Variants in DHTKD1 observed in about 807,000 individuals in gnomAD.
DHTKD1 encodes dehydrogenase E1 and transketolase domain containing 1.
A neutral mutation model predicts 101.8 loss-of-function variants in DHTKD1; 78 were observed. That is an observed-to-expected ratio of 0.77 (90% confidence interval 0.64 to 0.93). The LOEUF is 0.93. Ranked by LOEUF, DHTKD1 falls within the 40% of genes least tolerant of loss-of-function variation. The pLI, the probability that DHTKD1 is intolerant of heterozygous loss-of-function variation, is 0.00. For synonymous variants in DHTKD1, 462 were observed against 450.3 expected (o/e 1.03, Z -0.33); for missense variants, 1,223 against 1,161.7 (o/e 1.05, Z -0.77).
Position 12,106,151 on chromosome 10 carries a change from C to T in DHTKD1, c.1897-95C>T. Reference sequence around the variant, plus strand: ...GTGGTGATGAACGAGAGCAAGGCTCCCTCTCCGCACCACCTCCCTTCGATA... The same window carrying T: ...GTGGTGATGAACGAGAGCAAGGCTCTCTCTCCGCACCACCTCCCTTCGATA... On this transcript the variant is annotated intron_variant, in intron 10 of 16. Transcript: ENST00000263035. 3.1e-6 allele frequency: 4 copies of T among 1,271,226 alleles called. No homozygotes were observed. In the South Asian group the frequency reaches 3.7e-5, roughly 12 times the overall value. The allele number at this position is 1,271,226 out of a possible 1,614,324, so 78.7% of individuals were successfully genotyped here. A position where few individuals can be genotyped will look rare whatever the true frequency, so the allele number is the denominator to read the frequency against.
rs543970200 is a variant in DHTKD1 at position 12,119,593 on chromosome 10, G to A, written c.2573-589G>A. On this transcript the variant is annotated intron_variant, in intron 15 of 16. Coordinates refer to ENST00000263035, the MANE Select transcript of DHTKD1 (RefSeq NM_018706.7). Reference sequence around the variant, plus strand: ...ATTGCGCTACTGCACTCCAGCCTGGGCGACAGAGCGAGACTCCGTCTCAAA... The same window carrying A: ...ATTGCGCTACTGCACTCCAGCCTGGACGACAGAGCGAGACTCCGTCTCAAA... Among the ~76,000 whole-genome samples the A allele has an allele frequency of 5.5e-5, 8 of 146,692 alleles. No homozygotes were observed. In the South Asian group the frequency reaches 1.7e-3, roughly 32 times the overall value.
At chr10:12,095,220 A>G (rs1833049116) in intron 7 of DHTKD1, among the ~76,000 whole-genome samples, 1 of 152,202 alleles carries the variant, frequency 6.6e-6, no homozygotes, top group South Asian at 2.1e-4. Flanking sequence ...ATCAGTGGCT[A>G]TTGAGTACTT....
chr10:12,069,753 G>A (rs1005451433), intron 1 of DHTKD1, among the ~76,000 whole-genome samples: 1 of 137,994 alleles, frequency 7.2e-6, no homozygotes, highest in Non-Finnish European at 1.5e-5. Context: ...GCCCAGGCTG[G>A]TCTTGAACTC....
intron 13 of DHTKD1, among the ~76,000 whole-genome samples, chr10:12,114,763 CTTGGTTGGTTGG>C (rs140140326): frequency 0.092 from 13,778 of 150,440 alleles, 701 homozygotes; most frequent in Non-Finnish European, 0.12. Context: ...GCTTCCACCC[CTTGGTTGGTTGG>C]TTGGTTGGTT....
intron 5 of DHTKD1, 88 bp downstream of exon 5, chr10:12,089,343 A>G (rs1457349124): frequency 1.6e-6 from 2 of 1,257,400 alleles, no homozygotes; most frequent in South Asian, 1.4e-5. Context: ...CATGGCAGAC[A>G]TTCATGATGA....
Position 12,117,682 on chromosome 10 carries a change from T to C in DHTKD1, c.2329T>C (p.Ser777Pro), listed in dbSNP as rs1172299330. 1.2e-6 allele frequency: 2 copies of C among 1,600,284 alleles called. No individual in the cohort carries two copies. The highest frequency in any genetic ancestry group is 1.7e-6 in the Non-Finnish European group (2 of 1,171,198). Residue 777 changes from serine to proline, a missense_variant, in exon 14 of 17, where the codon TCA becomes CCA. Physicochemically the swap from Ser to Pro is moderately conservative, Grantham distance 74. Transcript: ENST00000263035. ...CTCTTCTCCCTCGTAGGCAGCCGTGTCAACTCTTCAAGAAATGGCACCAGG... is the reference window on the plus strand; with the variant it reads ...CTCTTCTCCCTCGTAGGCAGCCGTGCCAACTCTTCAAGAAATGGCACCAGG... ...KMLLRLPAAVSTLQEMAPGTT... is the reference protein window; with the variant it reads ...KMLLRLPAAVPTLQEMAPGTT...
In DHTKD1 at chr10:12,118,872, G is replaced by C; in HGVS notation, c.2526G>C (p.Pro842=). The change falls in exon 15 of 17, where the codon CCG becomes CCC. Residue 842 remains proline (P), a synonymous_variant. Transcript: ENST00000263035. ...GAGTAGAGGAACTCTGCCCCTTCCC[G>C]TTGGATTCTTTACAGCAAGAGATGA... is the stretch of plus-strand genomic sequence containing the variant. The part of the protein sequence containing the change: ...IIRVEELCPF[P]LDSLQQEMSK... 4 of 1,605,004 alleles carry C rather than the reference G, an allele frequency of 2.5e-6. No homozygotes were observed. Among genetic ancestry groups the C allele is most frequent in the Non-Finnish European group, 3.4e-6 (4 of 1,176,224 alleles).
intron 1 of DHTKD1, among the ~76,000 whole-genome samples, chr10:12,076,787 T>A (rs1043318939): frequency 1.3e-5 from 2 of 151,678 alleles, no homozygotes; most frequent in African/African-American, 4.8e-5. Flanking sequence ...GCCTCCCGAG[T>A]AGCTGGGACT....
Position 12,120,683 on chromosome 10 carries a change from T to C in DHTKD1, c.2659-104T>C. 3.1e-6 allele frequency: 3 copies of C among 977,018 alleles called. No individual in the cohort carries two copies. The South Asian group carries it at 4.1e-5, about 13-fold the overall frequency. 60.5% of individuals were successfully genotyped at this position (977,018 alleles called of 1,614,324 possible). ...CTCATTATTTGAAAGAGGTGATTTA[T>C]GGTTAAACAAGCTAAGAGAAATACA... On this transcript the variant is annotated intron_variant, in intron 16 of 16. Coordinates refer to ENST00000263035, the MANE Select transcript of DHTKD1 (RefSeq NM_018706.7).
chr10:12,116,792 G>A (rs1170664570), intron 13 of DHTKD1, among the ~76,000 whole-genome samples: 29 of 151,308 alleles, frequency 1.9e-4, no homozygotes, highest in Non-Finnish European at 4.4e-5. Flanking sequence ...CGCCTCCCAA[G>A]CTCAAACTTC....
intron 1 of DHTKD1, among the ~76,000 whole-genome samples, chr10:12,073,198 A>G (rs1260155546): frequency 6.6e-6 from 1 of 151,402 alleles, no homozygotes; most frequent in Admixed American, 6.6e-5. Context: ...CCGCCCAGCT[A>G]ATTTTTATAT....
At chr10:12,090,035 A>G (rs1020117036) in intron 5 of DHTKD1, among the ~76,000 whole-genome samples, 1 of 151,848 alleles carries the variant, frequency 6.6e-6, no homozygotes, top group Non-Finnish European at 1.5e-5. Flanking sequence ...CATAACACAA[A>G]TTATCAGTGT....
intron 15 of DHTKD1, among the ~76,000 whole-genome samples, chr10:12,119,326 T>C (rs568985361): frequency 2.3e-5 from 3 of 130,510 alleles, no homozygotes; most frequent in African/African-American, 5.9e-5. Flanking sequence ...ACATGAAAAT[T>C]TGGTACAGGC....
At position 12,101,131 on chromosome 10, in the gene DHTKD1, A is replaced by C. The variant is rs1186888662; in HGVS notation, c.1846A>C (p.Thr616Pro). 9.3e-6 allele frequency: 15 copies of C among 1,613,966 alleles called. No homozygotes were observed. The highest frequency in any genetic ancestry group is 1.0e-5 in the Non-Finnish European group (12 of 1,179,986). ...CGTGGTTTGCCAGGAGACGGATGAC[A>C]CCTACATCCCCCTGAACCATATGGA... ...AIVVCQETDDTYIPLNHMDPN... is the reference protein window; with the variant it reads ...AIVVCQETDDPYIPLNHMDPN... Residue 616 changes from threonine to proline, a missense_variant, in exon 10 of 17, where the codon ACC (threonine) becomes CCC (proline). By Grantham distance (38) the Thr-to-Pro change is conservative (BLOSUM62 -1). Coordinates refer to ENST00000263035, the MANE Select transcript of DHTKD1 (RefSeq NM_018706.7).
Position 12,107,857 on chromosome 10 carries a change from C to T in DHTKD1, c.2048-52C>T. 2 of 1,269,512 alleles carry T rather than the reference C, an allele frequency of 1.6e-6. No homozygotes were observed. Among genetic ancestry groups the T allele is most frequent in the Admixed American group, 1.8e-5 (1 of 54,198 alleles). 78.6% of individuals were successfully genotyped at this position (1,269,512 alleles called of 1,614,324 possible). Reference sequence around the variant, plus strand: ...TTTCCCCAGCTGAGTCGTGTCAGGCCACTTTGTCCCCGCTTCGTAGAGCTC... The same window carrying T: ...TTTCCCCAGCTGAGTCGTGTCAGGCTACTTTGTCCCCGCTTCGTAGAGCTC... On this transcript the variant is annotated intron_variant, in intron 11 of 16. Transcript: ENST00000263035. This position sits in a 1 kb window ranked among gnomAD's most constrained non-coding sequence, Gnocchi z 4.1.
Position 12,097,867 on chromosome 10 carries a change from G to T in DHTKD1, c.1542G>T (p.Gln514His). ...AGGCCCACTGGCAGGGCCTGGCTCAGCCAGAAGCGCAAATCACCACCTGGA... is the reference window on the plus strand; with the variant it reads ...AGGCCCACTGGCAGGGCCTGGCTCATCCAGAAGCGCAAATCACCACCTGGA... ...NLQAHWQGLA[Q>H]PEAQITTWST... The change falls in exon 8 of 17, where the codon CAG (glutamine) becomes CAT (histidine). Residue 514 changes from glutamine to histidine, a missense_variant. Physicochemically the swap from Gln to His is conservative, Grantham distance 24 (BLOSUM62 0). Transcript: ENST00000263035. The T allele has an allele frequency of 5.6e-6, 9 of 1,614,180 alleles. No individual in the cohort carries two copies. Among genetic ancestry groups the T allele is most frequent in the Non-Finnish European group, 7.6e-6 (9 of 1,180,022 alleles).
In DHTKD1 at chr10:12,100,234, T is replaced by C; in HGVS notation, c.1728T>C (p.Ala576=). The change falls in exon 9 of 17, where the codon GCT becomes GCC. Residue 576 remains alanine, a synonymous_variant. Coordinates refer to ENST00000263035, the MANE Select transcript of DHTKD1 (RefSeq NM_018706.7). ...GIKLDWATAE[A]LALGSLLAQG... Reference sequence around the variant, plus strand: ...AGCTAGACTGGGCCACCGCGGAAGCTCTTGCCTTGGGTTCTTTACTTGCTC... The same window carrying C: ...AGCTAGACTGGGCCACCGCGGAAGCCCTTGCCTTGGGTTCTTTACTTGCTC... 1 of 1,589,518 alleles carries C rather than the reference T, an allele frequency of 6.3e-7. No individual in the cohort carries two copies. Among genetic ancestry groups the C allele is most frequent in the Non-Finnish European group, 8.6e-7 (1 of 1,167,494 alleles).
In DHTKD1 at chr10:12,100,206, T is replaced by A; in HGVS notation, c.1700T>A (p.Ile567Asn). 1 of 1,594,316 alleles carries A rather than the reference T, an allele frequency of 6.3e-7. No homozygotes were observed. Among genetic ancestry groups the A allele is most frequent in the Non-Finnish European group, 8.5e-7 (1 of 1,169,966 alleles). The change falls in exon 9 of 17, where the codon ATC becomes AAC. Residue 567 changes from isoleucine (I) to asparagine (N), a missense_variant. Transcript: ENST00000263035. ...AGAATGGAGAAGATGATGGACGGAA[T>A]CAAGCTAGACTGGGCCACCGCGGAA... ...QSRMEKMMDG[I>N]KLDWATAEAL... is the part of the protein sequence containing the mutation.
At position 12,084,675 on chromosome 10, in the gene DHTKD1, G is replaced by T; in HGVS notation, c.446G>T (p.Arg149Leu). 1.2e-6 allele frequency: 2 copies of T among 1,614,094 alleles called. No homozygotes were observed. Among genetic ancestry groups the T allele is most frequent in the Non-Finnish European group, 1.7e-6 (2 of 1,180,018 alleles). Residue 149 changes from arginine (R) to leucine (L), a missense_variant, in exon 3 of 17, where the codon CGG becomes CTG. Physicochemically the swap from Arg to Leu is moderately radical, Grantham distance 102 (BLOSUM62 -2). Coordinates refer to ENST00000263035, the MANE Select transcript of DHTKD1 (RefSeq NM_018706.7). ...GATGAGAAAGACTGGTTTGCCAAGC[G>T]GTTTGAGGAACTGCAAAAGGAGACG... ...SQDEKDWFAK[R>L]FEELQKETFT...
Sources: gnomAD v4.1 joint callset for allele counts (sites outside exome capture counted in the v4.1 genomes callset) on GRCh38, gnomAD v4.1.1 for gene constraint, Gnocchi (gnomAD v3.1) non-coding constraint, MANE v1.5 for transcripts, NCBI Gene and HGNC (gene_info 2026-07-23, HGNC 2026-07-21) for gene names.